EML4: variants seen among roughly 807,000 people sequenced by gnomAD.
The protein encoded by EML4 is echinoderm microtubule-associated protein-like 4.
Under a neutral mutation model 129.0 loss-of-function variants are expected in EML4, and 72 were observed. The ratio of observed to expected loss-of-function variants is 0.56; its 90% CI spans 0.46 to 0.68. EML4 has a LOEUF of 0.68. Ranked by LOEUF, EML4 falls within the 30% of genes least tolerant of loss-of-function variation. EML4 has a pLI of 0.00. For synonymous variants in EML4, 532 were observed against 405.0 expected (o/e 1.31, Z -3.77); for missense variants, 1,363 against 1,190.6 (o/e 1.14, Z -2.13).
intron 13 of EML4, among the ~76,000 whole-genome samples, chr2:42,299,560 C>A (rs1192148434): frequency 2.6e-5 from 4 of 152,162 alleles, no homozygotes. Flanking sequence ...TCCCCTCAGC[C>A]CCTAGGTAAC....
At chr2:42,304,357 C>T in intron 16 of EML4, 127 bp from the exon 17 acceptor site, 2 of 691,938 alleles carry the variant, frequency 2.9e-6, no homozygotes, top group South Asian at 1.8e-5. Flanking sequence ...TGGTATTTCT[C>T]ATTAGCTACA....
chr2:42,274,602 T>C (rs934359577), intron 6 of EML4, among the ~76,000 whole-genome samples: 1 of 152,234 alleles, frequency 6.6e-6, no homozygotes, highest in Non-Finnish European at 1.5e-5. Flanking sequence ...CGATTAATAC[T>C]TTTTTATAAG....
chr2:42,330,940 A>C lies in EML4; in HGVS notation c.*733A>C, dbSNP rs1670070195. 1 of 204,584 alleles carries C rather than the reference A, an allele frequency of 4.9e-6. No homozygotes were observed. Among genetic ancestry groups the C allele is most frequent in the African/African-American group, 2.3e-5 (1 of 43,734 alleles). 12.7% of individuals were successfully genotyped at this position (204,584 alleles called of 1,614,324 possible). ...GTTAAAGAGCTTTCAATGTATATTA[A>C]AACCTTCAATACTCAGAAATGATGG... is the stretch of plus-strand genomic sequence containing the variant. On this transcript the variant is annotated 3_prime_UTR_variant, in exon 23 of 23. Coordinates refer to ENST00000318522, the MANE Select transcript of EML4 (RefSeq NM_019063.5).
At chr2:42,287,551 A>G (rs1474183463) in intron 10 of EML4, among the ~76,000 whole-genome samples, 1 of 152,196 alleles carries the variant, frequency 6.6e-6, no homozygotes, top group Non-Finnish European at 1.5e-5. Flanking sequence ...TCTCTGTTCC[A>G]TAACATTGTA....
Position 42,286,263 on chromosome 2 carries a change from T to C in EML4, c.1012-6T>C. Reference sequence around the variant, plus strand: ...CCAGTTGCTCTGCTGTCTTGTGTTTTTGCAGCCTCTACAACCCCACGTCAG... The same window carrying C: ...CCAGTTGCTCTGCTGTCTTGTGTTTCTGCAGCCTCTACAACCCCACGTCAG... On this transcript the variant is annotated splice_polypyrimidine_tract_variant and splice_region_variant and intron_variant, in intron 9 of 22. Transcript: ENST00000318522. 1 of 1,582,714 alleles carries C rather than the reference T, an allele frequency of 6.3e-7. No homozygotes were observed.
In EML4 at chr2:42,303,384, G is replaced by T. The variant is rs1300240834; in HGVS notation, c.1837G>T (p.Asp613Tyr). The T allele has an allele frequency of 6.2e-7, 1 of 1,614,054 alleles. No homozygotes were observed. The highest frequency in any genetic ancestry group is 8.5e-7 in the Non-Finnish European group (1 of 1,179,950). ...AGATTTGCTCTTGACATGTGCTCAG[G>T]ACAGGCAGGTGTGCCTGTGGAACTC... is the stretch of plus-strand genomic sequence containing the variant. Reference protein sequence around the residue: ...FKDLLLTCAQDRQVCLWNSME... With the variant: ...FKDLLLTCAQYRQVCLWNSME... Residue 613 changes from aspartate (D) to tyrosine (Y), a missense_variant, in exon 16 of 23, where the codon GAC (aspartate) becomes TAC (tyrosine). Transcript: ENST00000318522.
At chr2:42,262,592 A>G (rs1444252475) in intron 4 of EML4, among the ~76,000 whole-genome samples, 16 of 152,210 alleles carry the variant, frequency 1.1e-4, no homozygotes, top group Non-Finnish European at 2.4e-4. Flanking sequence ...TAGCAATGCA[A>G]TGAAAAAATC....
At position 42,329,888 on chromosome 2, in the gene EML4, T is replaced by C. The variant is rs945557186; in HGVS notation, c.2627T>C (p.Val876Ala). The C allele has an allele frequency of 3.7e-5, 59 of 1,614,072 alleles. No homozygotes were observed. The highest frequency in any genetic ancestry group is 4.8e-5 in the Non-Finnish European group (57 of 1,180,004). The change falls in exon 23 of 23, where the codon GTA becomes GCA. Residue 876 changes from valine to alanine, a missense_variant. Coordinates refer to ENST00000318522, the MANE Select transcript of EML4 (RefSeq NM_019063.5). Reference sequence around the variant, plus strand: ...TTATCTTTGCCTCAGAATGAGACTGTAGCGGATACTACTCTAACCAAAGCC... The same window carrying C: ...TTATCTTTGCCTCAGAATGAGACTGCAGCGGATACTACTCTAACCAAAGCC... ...EKLSLPQNET[V>A]ADTTLTKAPV... is the part of the protein sequence containing the mutation.
chr2:42,296,804 CAG>C (rs1179107233), intron 13 of EML4, among the ~76,000 whole-genome samples: 3 of 152,298 alleles, frequency 2.0e-5, no homozygotes, highest in South Asian at 2.1e-4. Context: ...TATGACTGCA[CAG>C]AGTTTCATAC....
intron 1 of EML4, among the ~76,000 whole-genome samples, chr2:42,171,741 C>A (rs1219913550): frequency 6.6e-6 from 1 of 152,132 alleles, no homozygotes; most frequent in East Asian, 1.9e-4. Flanking sequence ...GGAAATGGTT[C>A]CTGGCAGTAT....
At chr2:42,257,720 G>A (rs1665424295) in intron 3 of EML4, among the ~76,000 whole-genome samples, 1 of 151,744 alleles carries the variant, frequency 6.6e-6, no homozygotes, top group South Asian at 2.1e-4. Context: ...GTCTGTAGTC[G>A]CAGCTACTCA....
At chr2:42,295,029 T>C (rs1313783825) in intron 11 of EML4, 96 bp from the exon 12 acceptor site, 1 of 1,113,558 alleles carries the variant, frequency 9.0e-7, no homozygotes, top group Non-Finnish European at 1.2e-6. Flanking sequence ...TCTCAAAATC[T>C]TGCCCTATCG....
intron 6 of EML4, among the ~76,000 whole-genome samples, chr2:42,278,950 G>A (rs933050405): frequency 6.8e-6 from 1 of 148,094 alleles, no homozygotes; most frequent in Non-Finnish European, 1.5e-5. Context: ...AAAAAAAAAT[G>A]TATTGATTTG....
chr2:42,173,091 G>A (rs1329271478), intron 1 of EML4, among the ~76,000 whole-genome samples: 1 of 152,178 alleles, frequency 6.6e-6, no homozygotes, highest in Admixed American at 6.5e-5. Flanking sequence ...CTGGGTACAG[G>A]TTGTAAATGT....
intron 10 of EML4, among the ~76,000 whole-genome samples, chr2:42,286,836 T>A (rs1461484636): frequency 6.6e-6 from 1 of 152,230 alleles, no homozygotes; most frequent in African/African-American, 2.4e-5. Flanking sequence ...AATCAGACCT[T>A]TGTATTTCCT....
intron 1 of EML4, among the ~76,000 whole-genome samples, chr2:42,194,013 T>A (rs1671757183): frequency 6.6e-6 from 1 of 152,220 alleles, no homozygotes; most frequent in South Asian, 2.1e-4. Context: ...TGTGTTAACA[T>A]TACTTTATTG....
chr2:42,238,059 A>T (rs1558528493), intron 1 of EML4, among the ~76,000 whole-genome samples: 1 of 152,230 alleles, frequency 6.6e-6, no homozygotes, highest in Non-Finnish European at 1.5e-5. Context: ...TTCATGCACA[A>T]AATTATTTTT....
At chr2:42,302,971 A>G in intron 14 of EML4, 133 bp from the exon 15 acceptor site, 1 of 707,350 alleles carries the variant, frequency 1.4e-6, no homozygotes, top group Non-Finnish European at 2.4e-6. Flanking sequence ...TAGTAGTAGT[A>G]TGAGATTACC....
At chr2:42,221,773 T>C (rs558873682) in intron 1 of EML4, among the ~76,000 whole-genome samples, 23 of 151,930 alleles carry the variant, frequency 1.5e-4, no homozygotes, top group African/African-American at 5.3e-4. Context: ...CCAGCTAGTT[T>C]TTGTATTTTT....
Sources: gnomAD v4.1 joint callset for allele counts (sites outside exome capture counted in the v4.1 genomes callset) on GRCh38, gnomAD v4.1.1 for gene constraint, MANE v1.5 for transcripts, NCBI Gene and HGNC (gene_info 2026-07-23, HGNC 2026-07-21) for gene names.